The following LCA5 variants were observed in gnomAD, a reference collection of about 807,000 sequenced individuals.
LCA5 encodes lebercilin LCA5.
A neutral mutation model predicts 53.0 loss-of-function variants in LCA5; 37 were observed. The observed-to-expected ratio is 0.70, with a 90% CI of 0.54 to 0.92. The LOEUF is 0.92. Ranked by LOEUF, LCA5 falls within the 40% of genes least tolerant of loss-of-function variation. LCA5 has a pLI of 0.00. For missense variants in LCA5, 806 were observed against 790.5 expected (o/e 1.02, Z -0.23); for synonymous variants, 303 against 282.9 (o/e 1.07, Z -0.71).
chr6:79,513,050 T>A, intron 3 of LCA5, 162 bp downstream of exon 3: 1 of 692,348 alleles, frequency 1.4e-6, no homozygotes, highest in Non-Finnish European at 2.5e-6. Flanking sequence ...CTTTTGCATC[T>A]TCCTCTTAAA....
intron 3 of LCA5, among the ~76,000 whole-genome samples, chr6:79,501,437 C>G (rs1305519314): frequency 1.3e-5 from 2 of 151,940 alleles, no homozygotes; most frequent in Non-Finnish European, 2.9e-5. Context: ...GGAACAGAGC[C>G]TAAGATAGCA....
chr6:79,525,186 T>G (rs1766746010), intron 1 of LCA5: 1 of 152,234 alleles, frequency 6.6e-6, no homozygotes, highest in African/African-American at 2.4e-5. Flanking sequence ...TAGTGTCAGC[T>G]TTTCTGTTTC....
intron 1 of LCA5, among the ~76,000 whole-genome samples, chr6:79,527,725 A>G (rs1025453936): frequency 6.6e-6 from 1 of 152,162 alleles, no homozygotes; most frequent in African/African-American, 2.4e-5. Flanking sequence ...ATGCAATCCT[A>G]TACTCATCAC....
At chr6:79,526,467 C>G (rs1475701667) in intron 1 of LCA5, among the ~76,000 whole-genome samples, 1 of 152,036 alleles carries the variant, frequency 6.6e-6, no homozygotes, top group African/African-American at 2.4e-5. Context: ...TGGCGTGAAC[C>G]CAGGAGGCAG....
At chr6:79,505,281 T>C (rs1770245449) in intron 3 of LCA5, among the ~76,000 whole-genome samples, 1 of 152,120 alleles carries the variant, frequency 6.6e-6, no homozygotes, top group African/African-American at 2.4e-5. Context: ...ATAAATCTTC[T>C]CCCTCCAGAA....
intron 6 of LCA5, 104 bp downstream of exon 6, chr6:79,491,484 G>T: frequency 8.5e-7 from 1 of 1,177,102 alleles, no homozygotes; most frequent in Non-Finnish European, 1.3e-6. Flanking sequence ...TATTCATATA[G>T]ATATAGTACT....
chr6:79,503,580 G>T (rs1770198782), intron 3 of LCA5, among the ~76,000 whole-genome samples: 1 of 152,170 alleles, frequency 6.6e-6, no homozygotes, highest in South Asian at 2.1e-4. Context: ...TTTAATTCAT[G>T]TACTTTTAGT....
At chr6:79,515,187 C>T (rs1766390921) in intron 2 of LCA5, among the ~76,000 whole-genome samples, 1 of 151,948 alleles carries the variant, frequency 6.6e-6, no homozygotes, top group African/African-American at 2.4e-5. Flanking sequence ...AGTCTATTTA[C>T]CCAGCCCATA....
chr6:79,501,644 C>T lies in LCA5; in HGVS notation c.721-7894G>A, dbSNP rs1298166214. ...AGTATCCAATTATATCCACTATATG[C>T]TAATAGGTACAATATAGTTATATAC... On this transcript the variant is annotated intron_variant, in intron 3 of 7. Coordinates refer to ENST00000369846, the MANE Select transcript of LCA5 (RefSeq NM_001122769.3). Among the ~76,000 whole-genome samples the T allele has an allele frequency of 2.0e-5, 3 of 150,996 alleles. No homozygotes were observed. The East Asian group carries it at 5.8e-4, about 29-fold the overall frequency.
chr6:79,487,350 C>T lies in LCA5; in HGVS notation c.1748G>A (p.Ser583Asn). The T allele has an allele frequency of 1.9e-6, 3 of 1,613,454 alleles. No homozygotes were observed. The highest frequency in any genetic ancestry group is 2.5e-6 in the Non-Finnish European group (3 of 1,179,792). The change falls in exon 8 of 8, where the codon AGT (serine) becomes AAT (asparagine). Residue 583 changes from serine (S) to asparagine (N), a missense_variant. Physicochemically the swap from Ser to Asn is conservative, Grantham distance 46. Coordinates refer to ENST00000369846, the MANE Select transcript of LCA5 (RefSeq NM_001122769.3). ...ACCATCTTTACTAAGTTTTTCCATA[C>T]TGTTTCTTTGGAAATCCAAAAAACT... ...KSSFLDFQRN[S>N]MEKLSKDGVD...
chr6:79,493,041 G>C (rs956120557), intron 4 of LCA5, among the ~76,000 whole-genome samples: 3 of 152,050 alleles, frequency 2.0e-5, no homozygotes, highest in East Asian at 3.9e-4. Context: ...TGACCATTTT[G>C]GGTCTGTGGC....
intron 1 of LCA5, among the ~76,000 whole-genome samples, chr6:79,529,948 G>A (rs1037843589): frequency 1.3e-4 from 18 of 135,676 alleles, no homozygotes; most frequent in Middle Eastern, 3.9e-3. Context: ...ACACACCAGG[G>A]GCTGTTGTGG....
chr6:79,500,992 A>G (rs1770123215), intron 3 of LCA5, among the ~76,000 whole-genome samples: 1 of 152,196 alleles, frequency 6.6e-6, no homozygotes, highest in Middle Eastern at 3.4e-3. Context: ...AGTTATTATT[A>G]CCTCTTAGGA....
At chr6:79,514,478 A>G (rs973295169) in intron 2 of LCA5, among the ~76,000 whole-genome samples, 1 of 152,174 alleles carries the variant, frequency 6.6e-6, no homozygotes, top group African/African-American at 2.4e-5. Context: ...CTAAAGTCAG[A>G]AATACCATTT....
chr6:79,538,067 G>T (rs1231028033), upstream of LCA5, among the ~76,000 whole-genome samples: 4 of 96,068 alleles, frequency 4.2e-5, no homozygotes, highest in South Asian at 3.9e-4. Flanking sequence ...GGAACGTTTT[G>T]AGGAGCATGT....
chr6:79,501,413 T>C (rs1043662468), intron 3 of LCA5, among the ~76,000 whole-genome samples: 6 of 152,210 alleles, frequency 3.9e-5, no homozygotes, highest in Admixed American at 3.3e-4. Flanking sequence ...AATTCACTGA[T>C]AAATATGCTG....
At chr6:79,494,234 A>T (rs914967805) in intron 3 of LCA5, among the ~76,000 whole-genome samples, 1 of 122,296 alleles carries the variant, frequency 8.2e-6, no homozygotes, top group East Asian at 9.3e-4. Context: ...AGACTATCTT[A>T]AAAAAAAAAA....
intron 2 of LCA5, among the ~76,000 whole-genome samples, chr6:79,518,442 T>G (rs1766511027): frequency 6.6e-6 from 1 of 152,164 alleles, no homozygotes; most frequent in South Asian, 2.1e-4. Flanking sequence ...AGCATTTATT[T>G]AGGAAAAAGA....
intron 3 of LCA5, among the ~76,000 whole-genome samples, chr6:79,501,994 G>C (rs1186399516): frequency 6.6e-6 from 1 of 151,964 alleles, no homozygotes; most frequent in Non-Finnish European, 1.5e-5. Flanking sequence ...CAGGGCAGTG[G>C]GGGGAAGAAA....
Sources: gnomAD v4.1 joint callset for allele counts (sites outside exome capture counted in the v4.1 genomes callset) on GRCh38, gnomAD v4.1.1 for gene constraint, MANE v1.5 for transcripts, NCBI Gene and HGNC (gene_info 2026-07-23, HGNC 2026-07-21) for gene names.